SELP: variants seen among roughly 807,000 people sequenced by gnomAD.
SELP encodes the protein selectin P, also known as P-selectin.
In SELP, 92 loss-of-function variants were observed where a neutral mutation model predicts 104.1. The ratio of observed to expected loss-of-function variants is 0.88; its 90% CI spans 0.75 to 1.05. The LOEUF is 1.05. Ranked by LOEUF, SELP falls within the 50% of genes least tolerant of loss-of-function variation. The pLI is 0.00. For missense variants in SELP, 1,022 were observed against 1,017.3 expected, an observed-to-expected ratio of 1.00 and a Z score of -0.06; for synonymous variants, 397 against 364.5, an observed-to-expected ratio of 1.09 and a Z score of -1.01.
intron 5 of SELP, 30 bp downstream of exon 5, chr1:169,612,899 G>C: frequency 6.6e-7 from 1 of 1,521,950 alleles, no homozygotes; most frequent in South Asian, 1.3e-5. Context: ...TTCTATGTCA[G>C]TGAGGATGAA....
At chr1:169,599,652 T>A (rs576245102) in intron 10 of SELP, among the ~76,000 whole-genome samples, 1 of 152,218 alleles carries the variant, frequency 6.6e-6, no homozygotes, top group African/African-American at 2.4e-5. Flanking sequence ...AAAGAAGATA[T>A]AGTATGAATA....
At chr1:169,594,447 A>G (rs1262571906) in intron 13 of SELP, among the ~76,000 whole-genome samples, 1 of 152,202 alleles carries the variant, frequency 6.6e-6, no homozygotes. Context: ...ATAACGAAGC[A>G]AAAGGTTTCA....
intron 9 of SELP, among the ~76,000 whole-genome samples, chr1:169,605,709 G>A (rs1177495749): frequency 6.6e-6 from 1 of 152,106 alleles, no homozygotes; most frequent in Non-Finnish European, 1.5e-5. Context: ...TGCATAGGAG[G>A]AAAAGCGGAG....
chr1:169,590,952 T>G (rs1452310333), intron 15 of SELP, among the ~76,000 whole-genome samples: 1 of 152,232 alleles, frequency 6.6e-6, no homozygotes, highest in African/African-American at 2.4e-5. Context: ...AGCATTTTTT[T>G]GCATCTTTAA....
intron 10 of SELP, among the ~76,000 whole-genome samples, chr1:169,601,054 C>T (rs1303350438): frequency 6.6e-6 from 1 of 152,050 alleles, no homozygotes; most frequent in African/African-American, 2.4e-5. Context: ...TGTTGGTTGC[C>T]TACATGATTT....
intron 10 of SELP, 125 bp from the exon 11 acceptor site, chr1:169,597,301 T>A: frequency 1.2e-6 from 1 of 824,214 alleles, no homozygotes; most frequent in Non-Finnish European, 1.8e-6. Context: ...GGTATTTTGC[T>A]AGGCAGCAGC....
At chr1:169,598,063 A>G (rs1031661993) in intron 10 of SELP, among the ~76,000 whole-genome samples, 3 of 152,206 alleles carry the variant, frequency 2.0e-5, no homozygotes, top group African/African-American at 7.2e-5. Flanking sequence ...CATAACTCCC[A>G]TCCCAGGATC....
chr1:169,619,391 T>C (rs1662981482), intron 1 of SELP, among the ~76,000 whole-genome samples, 172 bp from the exon 2 acceptor site: 1 of 152,256 alleles, frequency 6.6e-6, no homozygotes, highest in Non-Finnish European at 1.5e-5. Flanking sequence ...TTCTAAGTTC[T>C]ACCCTGGATG....
At chr1:169,629,627 G>T (rs1420830750) in intron 1 of SELP, among the ~76,000 whole-genome samples, 3 of 152,184 alleles carry the variant, frequency 2.0e-5, no homozygotes, top group Non-Finnish European at 4.4e-5. Flanking sequence ...TTGTCCCAGG[G>T]CACCTACCCA....
intron 14 of SELP, 26 bp from the exon 15 acceptor site, chr1:169,591,482 G>A: frequency 6.9e-7 from 1 of 1,446,654 alleles, no homozygotes; most frequent in Non-Finnish European, 9.4e-7. Context: ...AGACAAGAAT[G>A]AATGATTAAA....
intron 10 of SELP, among the ~76,000 whole-genome samples, chr1:169,598,184 T>A (rs543884256): frequency 3.3e-5 from 5 of 152,232 alleles, no homozygotes; most frequent in Admixed American, 6.5e-5. Context: ...CAGTTACATA[T>A]TTTCTTAGCA....
At chr1:169,609,815 A>G (rs893865973) in intron 7 of SELP, 126 bp from the exon 8 acceptor site, 2 of 863,004 alleles carry the variant, frequency 2.3e-6, no homozygotes, top group South Asian at 2.0e-5. Context: ...TAAAACCTCC[A>G]TTTTCCAAAA....
At chr1:169,594,442 G>A (rs113372067) in intron 13 of SELP, among the ~76,000 whole-genome samples, 23 of 152,238 alleles carry the variant, frequency 1.5e-4, no homozygotes, top group African/African-American at 4.3e-4. Flanking sequence ...AGATTATAAC[G>A]AAGCAAAAGG....
chr1:169,624,104 T>C (rs1401206991), intron 1 of SELP, among the ~76,000 whole-genome samples: 2 of 152,188 alleles, frequency 1.3e-5, no homozygotes, highest in East Asian at 3.8e-4. Context: ...AGGCAACTGA[T>C]AGGGATTTTG....
chr1:169,611,379 G>A, intron 7 of SELP, 113 bp downstream of exon 7: 1 of 1,037,692 alleles, frequency 9.6e-7, no homozygotes. Context: ...TGAAGAGCTT[G>A]CTCTAGTGCA....
chr1:169,597,335 C>A (rs906398936), intron 10 of SELP, among the ~76,000 whole-genome samples, 159 bp from the exon 11 acceptor site: 2 of 152,154 alleles, frequency 1.3e-5, no homozygotes, highest in Admixed American at 6.6e-5. Flanking sequence ...TCATGTAGGT[C>A]ATTTGCTGCA....
chr1:169,611,633 C>T lies in SELP; in HGVS notation c.1006G>A (p.Asp336Asn), dbSNP rs780401960. 1.2e-5 allele frequency: 20 copies of T among 1,613,964 alleles called. No homozygotes were observed. In the East Asian group the frequency reaches 4.0e-4, roughly 32 times the overall value. Residue 336 changes from aspartate (D) to asparagine (N), a missense_variant, in exon 7 of 17, where the codon GAC becomes AAC. By Grantham distance (23) the Asp-to-Asn change is conservative. Coordinates refer to ENST00000263686, the MANE Select transcript of SELP (RefSeq NM_003005.4). ...HLEAPSEGTMDCVHPLTAFAY... is the reference protein window; with the variant it reads ...HLEAPSEGTMNCVHPLTAFAY... Reference sequence around the variant, plus strand: ...AAAGCAGTGAGCGGATGAACACAGTCCATGGTTCCTTCACTGGGGGCTTCC... The same window carrying T: ...AAAGCAGTGAGCGGATGAACACAGTTCATGGTTCCTTCACTGGGGGCTTCC...
intron 9 of SELP, among the ~76,000 whole-genome samples, chr1:169,604,385 C>A (rs1186105976): frequency 6.6e-6 from 1 of 152,070 alleles, no homozygotes; most frequent in Non-Finnish European, 1.5e-5. Context: ...CAAAAATGTT[C>A]TCCCATTCTG....
chr1:169,596,931 TTTG>T, intron 11 of SELP, 57 bp downstream of exon 11: 1 of 1,458,702 alleles, frequency 6.9e-7, no homozygotes, highest in Non-Finnish European at 9.3e-7. Context: ...TAGATAATTG[TTTG>T]TTGTTGTAGA....
Sources: allele counts gnomAD v4.1 joint callset (sites outside exome capture counted in the v4.1 genomes callset), GRCh38; gene constraint gnomAD v4.1.1; transcripts MANE v1.5; gene names NCBI Gene and HGNC (gene_info 2026-07-23, HGNC 2026-07-21).